The following MCAM variants were observed in gnomAD, a reference collection of about 807,000 sequenced individuals.
MCAM encodes the protein cell surface glycoprotein MUC18.
A neutral mutation model predicts 79.1 loss-of-function variants in MCAM; 55 were observed. The ratio of observed to expected loss-of-function variants is 0.70; its 90% CI spans 0.56 to 0.87. The LOEUF is 0.87. Among genes scored for constraint, MCAM ranks in the 40% least tolerant of loss-of-function variants. The pLI is 0.00. For synonymous variants in MCAM, 330 were observed against 339.8 expected, an observed-to-expected ratio of 0.97 and a Z score of 0.32; for missense variants, 745 against 839.8, an observed-to-expected ratio of 0.89 and a Z score of 1.40.
rs943346497 is a variant in MCAM, at chr11:119,311,014, A to C, written c.1645+76T>G. On this transcript the variant is annotated intron_variant, in intron 13 of 15. Coordinates refer to ENST00000264036, the MANE Select transcript of MCAM (RefSeq NM_006500.3). The surrounding 1 kb of genome is among the most constrained non-coding windows in gnomAD (Gnocchi z 4.4). ...ATGGGGCTGCTACTCACCTTTCTGG[A>C]CAGGGCTCTCTGGGGAGGGACAGGG... 2.5e-6 allele frequency: 4 copies of C among 1,613,784 alleles called. No individual in the cohort carries two copies. In the African/African-American group the frequency reaches 5.3e-5, roughly 22 times the overall value.
At position 119,314,936 on chromosome 11, in the gene MCAM, A is replaced by G. The variant is rs1025292376; in HGVS notation, c.297T>C (p.Ala99=). The part of the protein sequence containing the change: ...EQRLSLQDRG[A]TLALTQVTPQ... ...GGGTGACTTGAGTCAGGGCCAGAGT[A>G]GCCCCTCTGTCCTGGAGGCTGAGCC... The change falls in exon 3 of 16, where the codon GCT becomes GCC. Residue 99 remains alanine (A), a synonymous_variant. Transcript: ENST00000264036. The G allele has an allele frequency of 1.2e-6, 2 of 1,612,930 alleles. No individual in the cohort carries two copies. Among genetic ancestry groups the G allele is most frequent in the South Asian group, 1.1e-5 (1 of 91,092 alleles).
At position 119,309,567 on chromosome 11, in the gene MCAM, A is replaced by G; in HGVS notation, c.*319T>C. On this transcript the variant is annotated 3_prime_UTR_variant, in exon 16 of 16. Coordinates refer to ENST00000264036, the MANE Select transcript of MCAM (RefSeq NM_006500.3). ...GCTCAGCTGCTGGCAGGAGCCAGGT[A>G]TTTACAGCCATAATGTGTGTAAAGA... The G allele has an allele frequency of 2.6e-6, 1 of 379,020 alleles. No homozygotes were observed. Among genetic ancestry groups the G allele is most frequent in the Non-Finnish European group, 4.8e-6 (1 of 207,252 alleles). 23.5% of individuals were successfully genotyped at this position (379,020 alleles called of 1,614,324 possible).
rs1346531839 is a variant in MCAM, at chr11:119,311,772, G to A, written c.1285+36C>T. On this transcript the variant is annotated intron_variant, in intron 10 of 15. Transcript: ENST00000264036. This position sits in a 1 kb window ranked among gnomAD's most constrained non-coding sequence, Gnocchi z 4.4. Reference sequence around the variant, plus strand: ...AAGAGCTTAAAAACCACCCCACTTGGGGTGACCTGGTCTCTACCCAGAGGG... The same window carrying A: ...AAGAGCTTAAAAACCACCCCACTTGAGGTGACCTGGTCTCTACCCAGAGGG... The A allele has an allele frequency of 6.2e-7, 1 of 1,612,112 alleles. No homozygotes were observed. The highest frequency in any genetic ancestry group is 1.3e-5 in the African/African-American group (1 of 74,834).
In MCAM at chr11:119,312,384, G is replaced by A. The variant is rs1344268035; in HGVS notation, c.906C>T (p.Asn302=). 4.3e-6 allele frequency: 7 copies of A among 1,614,054 alleles called. No individual in the cohort carries two copies. The highest frequency in any genetic ancestry group is 1.7e-5 in the Admixed American group (1 of 60,014). The change falls in exon 8 of 16, where the codon AAC becomes AAT. Residue 302 remains asparagine, a synonymous_variant. Coordinates refer to ENST00000264036, the MANE Select transcript of MCAM (RefSeq NM_006500.3). This position sits in a 1 kb window ranked among gnomAD's most constrained non-coding sequence, Gnocchi z 4.9. ...GGGCAGGCTCCAGCACCAGGACCCC[G>A]TTGTCGTTGGTTGTCTCTTCCTCTG... ...REAEEETTND[N]GVLVLEPARK...
At chr11:119,310,648 C>T in intron 14 of MCAM, 108 bp downstream of exon 14, 1 of 1,305,670 alleles carries the variant, frequency 7.7e-7, no homozygotes, top group East Asian at 2.3e-5. Flanking sequence ...GCAGGCAGCA[C>T]CCTGACCCAG....
At chr11:119,313,155 C>T (rs183072653) in intron 5 of MCAM, 474 of 1,521,084 alleles carry the variant, frequency 3.1e-4, no homozygotes, top group Non-Finnish European at 3.9e-4. Context: ...CATGTCTGCT[C>T]ATATCCAAGG....
In MCAM at chr11:119,312,217, C is replaced by T. The variant is rs757726888; in HGVS notation, c.1025-47G>A. On this transcript the variant is annotated intron_variant, in intron 8 of 15. Transcript: ENST00000264036. This position sits in a 1 kb window ranked among gnomAD's most constrained non-coding sequence, Gnocchi z 4.9. ...CACCCAGGGCAGGGTGGGGCCAGTT[C>T]CCTATTGCCCCAGCCTGGTCCCCCT... is the stretch of plus-strand genomic sequence containing the variant. 6.2e-7 allele frequency: 1 copy of T among 1,611,234 alleles called. No homozygotes were observed. The highest frequency in any genetic ancestry group is 1.1e-5 in the South Asian group (1 of 90,796).
rs754816315 is a variant in MCAM, at chr11:119,312,575, C to T, written c.813G>A (p.Arg271=). 2 of 1,614,202 alleles carry T rather than the reference C, an allele frequency of 1.2e-6. No individual in the cohort carries two copies. The highest frequency in any genetic ancestry group is 1.1e-5 in the South Asian group (1 of 91,086). ...MLKEGDRVEI[R]CLADGNPPPH... is the part of the protein sequence containing the mutation. ...GTGGAGGGTTGCCATCAGCCAAACACCTGATTTCCACGCGGTCCCCTTCCT... is the reference window on the plus strand; with the variant it reads ...GTGGAGGGTTGCCATCAGCCAAACATCTGATTTCCACGCGGTCCCCTTCCT... Residue 271 remains arginine (R), a synonymous_variant, in exon 7 of 16, where the codon AGG becomes AGA. Transcript: ENST00000264036. The surrounding 1 kb of genome is among the most constrained non-coding windows in gnomAD (Gnocchi z 4.9).
rs1227491157 is a variant in MCAM at position 119,316,799 on chromosome 11, G to T, written c.67+236C>A. On this transcript the variant is annotated intron_variant, in intron 1 of 15. Transcript: ENST00000264036. The surrounding 1 kb of genome is among the most constrained non-coding windows in gnomAD (Gnocchi z 4.8). ...GCTCCACCCCTTCTCGTTCCCAGAA[G>T]CAGCCTCCTCCCCGCCTTCCGAGTG... The T allele has an allele frequency of 2.0e-6, 1 of 507,376 alleles. No homozygotes were observed. Among genetic ancestry groups the T allele is most frequent in the East Asian group, 3.7e-5 (1 of 26,824 alleles). 31.4% of individuals were successfully genotyped at this position (507,376 alleles called of 1,614,324 possible). A position where few individuals can be genotyped will look rare whatever the true frequency, so the allele number is the denominator to read the frequency against.
Position 119,312,061 on chromosome 11 carries a change from C to T in MCAM, c.1134G>A (p.Leu378=), listed in dbSNP as rs771372548. The change falls in exon 9 of 16, where the codon CTG becomes CTA. Residue 378 remains leucine (L), a synonymous_variant. Coordinates refer to ENST00000264036, the MANE Select transcript of MCAM (RefSeq NM_006500.3). The surrounding 1 kb of genome is among the most constrained non-coding windows in gnomAD (Gnocchi z 4.9). The part of the protein sequence containing the change: ...ESSQDLEFQW[L]REETGQVLER... ...AGACCCGCCTGGGTACCTCTTCTCT[C>T]AGCCACTGGAACTCGAGGTCCTGGC... 2.5e-6 allele frequency: 4 copies of T among 1,610,270 alleles called. No homozygotes were observed. The highest frequency in any genetic ancestry group is 3.4e-6 in the Non-Finnish European group (4 of 1,177,992).
intron 5 of MCAM, 81 bp downstream of exon 5, chr11:119,314,408 G>A: frequency 8.0e-7 from 1 of 1,253,418 alleles, no homozygotes; most frequent in Non-Finnish European, 1.2e-6. Context: ...CTCCTGCCTT[G>A]GCCTCCCAAA....
intron 5 of MCAM, 188 bp downstream of exon 5, chr11:119,314,301 A>G (rs1232579192): frequency 6.9e-6 from 4 of 583,478 alleles, no homozygotes; most frequent in Non-Finnish European, 1.2e-5. Context: ...GACCACAGGC[A>G]CACACCACCA....
Position 119,309,633 on chromosome 11 carries a change from G to T in MCAM, c.*253C>A. Reference sequence around the variant, plus strand: ...AAGAAACTCTCCTACCCGCTCGGGAGACTGGGGCTCCTTGCTTGGGATGAG... The same window carrying T: ...AAGAAACTCTCCTACCCGCTCGGGATACTGGGGCTCCTTGCTTGGGATGAG... On this transcript the variant is annotated 3_prime_UTR_variant, in exon 16 of 16. Transcript: ENST00000264036. 5.4e-6 allele frequency: 3 copies of T among 553,136 alleles called. No homozygotes were observed. Among genetic ancestry groups the T allele is most frequent in the Non-Finnish European group, 9.6e-6 (3 of 311,270 alleles). 34.3% of individuals were successfully genotyped at this position (553,136 alleles called of 1,614,324 possible).
rs1386412752 is a variant in MCAM, at chr11:119,311,280, C to T, written c.1549G>A (p.Val517Ile). 6.2e-7 allele frequency: 1 copy of T among 1,614,138 alleles called. No individual in the cohort carries two copies. The highest frequency in any genetic ancestry group is 1.7e-5 in the Admixed American group (1 of 60,024). ...TCCCCTGCAGGGATGCAGCCCTCAC[C>T]CAGCTCCAGGAAGAGGATGCTGGTG... Reference protein sequence around the residue: ...KNTSILFLELVNLTTLTPDSN... With the variant: ...KNTSILFLELINLTTLTPDSN... The change falls in exon 12 of 16, where the codon GTC (valine) becomes ATC (isoleucine). Residue 517 changes from valine (V) to isoleucine (I), a missense_variant and splice_region_variant. Coordinates refer to ENST00000264036, the MANE Select transcript of MCAM (RefSeq NM_006500.3). This position sits in a 1 kb window ranked among gnomAD's most constrained non-coding sequence, Gnocchi z 4.4.
Position 119,309,925 on chromosome 11 carries a change from G to A in MCAM, c.1912-10C>T, listed in dbSNP as rs1437564250. The A allele has an allele frequency of 1.9e-6, 3 of 1,599,464 alleles. No individual in the cohort carries two copies. In the Admixed American group the frequency reaches 5.2e-5, roughly 28 times the overall value. On this transcript the variant is annotated splice_polypyrimidine_tract_variant and intron_variant, in intron 15 of 15. Transcript: ENST00000264036. The stretch of plus-strand genomic sequence containing the variant: ...CGATGTATTTCTCTCCCTAAAAGTG[G>A]GTAGAGGAGAAGAGGGGAACACGGA...
chr11:119,315,206 C>T lies in MCAM; in HGVS notation c.125G>A (p.Ser42Asn), dbSNP rs1040469276. 1 of 1,613,010 alleles carries T rather than the reference C, an allele frequency of 6.2e-7. No individual in the cohort carries two copies. The highest frequency in any genetic ancestry group is 1.7e-5 in the Admixed American group (1 of 60,022). Residue 42 changes from serine to asparagine, a missense_variant, in exon 2 of 16, where the codon AGC becomes AAC. Ser to Asn is a conservative substitution (Grantham distance 46). Transcript: ENST00000264036. This position sits in a 1 kb window ranked among gnomAD's most constrained non-coding sequence, Gnocchi z 4.4. ...APELVEVEVG[S>N]TALLKCGLSQ... is the part of the protein sequence containing the mutation. ...GAGGCCGCACTTCAGAAGGGCTGTG[C>T]TGCCCACTTCCACCTCCACCAGCTC...
In MCAM at chr11:119,315,256, G is replaced by A. The variant is rs779647125; in HGVS notation, c.75C>T (p.Pro25=). 3.1e-6 allele frequency: 5 copies of A among 1,609,314 alleles called. No homozygotes were observed. Among genetic ancestry groups the A allele is most frequent in the South Asian group, 1.1e-5 (1 of 90,966 alleles). ...CCCCPRVAGV[P]GEAEQPAPEL... is the part of the protein sequence containing the mutation. Reference sequence around the variant, plus strand: ...CAGGCGCAGGCTGCTCAGCCTCTCCGGGCACACCTGGGGGAGGGAGGCGGG... The same window carrying A: ...CAGGCGCAGGCTGCTCAGCCTCTCCAGGCACACCTGGGGGAGGGAGGCGGG... The change falls in exon 2 of 16, where the codon CCC becomes CCT. Residue 25 remains proline (P), a synonymous_variant. Transcript: ENST00000264036. This position sits in a 1 kb window ranked among gnomAD's most constrained non-coding sequence, Gnocchi z 4.4.
chr11:119,311,190 G>C lies in MCAM; in HGVS notation c.1550-5C>G. On this transcript the variant is annotated splice_polypyrimidine_tract_variant and splice_region_variant and intron_variant, in intron 12 of 15. Coordinates refer to ENST00000264036, the MANE Select transcript of MCAM (RefSeq NM_006500.3). The surrounding 1 kb of genome is among the most constrained non-coding windows in gnomAD (Gnocchi z 4.4). The stretch of plus-strand genomic sequence containing the variant: ...GTGTGAGGGTGGTTAAATTGACTAG[G>C]AGGCAGAGGGAGGGGTGTTAGGAGA... 6.2e-7 allele frequency: 1 copy of C among 1,613,938 alleles called. No individual in the cohort carries two copies. Among genetic ancestry groups the C allele is most frequent in the Non-Finnish European group, 8.5e-7 (1 of 1,179,814 alleles).
Position 119,312,921 on chromosome 11 carries a change from C to T in MCAM, c.588G>A (p.Val196=). 6.2e-7 allele frequency: 1 copy of T among 1,614,196 alleles called. No individual in the cohort carries two copies. The highest frequency in any genetic ancestry group is 8.5e-7 in the Non-Finnish European group (1 of 1,180,032). ...NRVHIQSSQT[V]ESSGLYTLQS... is the part of the protein sequence containing the mutation. ...GCAAGGTGTACAAACCACTCGACTCCACAGTCTGGGACGACTGAATGTGGA... is the reference window on the plus strand; with the variant it reads ...GCAAGGTGTACAAACCACTCGACTCTACAGTCTGGGACGACTGAATGTGGA... The change falls in exon 6 of 16, where the codon GTG becomes GTA. Residue 196 remains valine (V), a synonymous_variant. Transcript: ENST00000264036. This position sits in a 1 kb window ranked among gnomAD's most constrained non-coding sequence, Gnocchi z 4.9.
Sources: allele counts gnomAD v4.1 joint callset, GRCh38; gene constraint gnomAD v4.1.1; non-coding constraint Gnocchi (gnomAD v3.1); transcripts MANE v1.5; gene names NCBI Gene and HGNC (gene_info 2026-07-23, HGNC 2026-07-21).